CRYZL1: variants seen among roughly 807,000 people sequenced by gnomAD.
CRYZL1 encodes the protein crystallin zeta like 1.
In CRYZL1, 34 loss-of-function variants were observed where a neutral mutation model predicts 50.6. That is an observed-to-expected ratio of 0.67 (90% confidence interval 0.51 to 0.89). The LOEUF (loss-of-function observed/expected upper bound fraction) is 0.89. Ranked by LOEUF, CRYZL1 falls within the 40% of genes least tolerant of loss-of-function variation. CRYZL1 has a pLI of 0.00. For missense variants in CRYZL1, 354 were observed against 402.3 expected, an observed-to-expected ratio of 0.88 and a Z score of 1.03; for synonymous variants, 125 against 134.3, an observed-to-expected ratio of 0.93 and a Z score of 0.48.
At chr21:33,617,069 GTT>G in intron 4 of CRYZL1, 1 of 174,612 alleles carries the variant, frequency 5.7e-6, no homozygotes, top group South Asian at 1.4e-4. Flanking sequence ...CCAGGCTGGA[GTT>G]TGTGGCACGA....
chr21:33,641,250 G>A, intron 1 of CRYZL1: 1 of 1,550,546 alleles, frequency 6.4e-7, no homozygotes, highest in Non-Finnish European at 8.7e-7. Context: ...CACATACAGC[G>A]AATAACTACT....
intron 4 of CRYZL1, among the ~76,000 whole-genome samples, chr21:33,619,895 TAC>T (rs2086974613): frequency 6.6e-6 from 1 of 152,218 alleles, no homozygotes; most frequent in East Asian, 1.9e-4. Flanking sequence ...TTGGACATCT[TAC>T]TCCAAGACGC....
chr21:33,639,405 TGTACTACTGGGGA>T (rs910518705), intron 1 of CRYZL1, among the ~76,000 whole-genome samples: 1 of 152,232 alleles, frequency 6.6e-6, no homozygotes, highest in Non-Finnish European at 1.5e-5. Flanking sequence ...TTTCCTATAT[TGTACTACTGGGGA>T]ACAAGGGAGC....
At chr21:33,596,949 G>A (rs980423434) in intron 10 of CRYZL1, among the ~76,000 whole-genome samples, 12 of 150,498 alleles carry the variant, frequency 8.0e-5, no homozygotes, top group South Asian at 2.1e-4. Context: ...TACAACCTCC[G>A]CTTCCCAGGT....
In CRYZL1 at chr21:33,602,511, G is replaced by C. The variant is rs532403217; in HGVS notation, c.466-166C>G. Among the ~76,000 whole-genome samples, 41 of 152,220 alleles carry C rather than the reference G, an allele frequency of 2.7e-4. 1 individual carries two copies. The South Asian group carries it at 8.3e-3, about 31-fold the overall frequency. ...GCAAAGTTATGGGCAAGTTTAATAG[G>C]GGAAATATTTGATTGACTTTCTTCT... On this transcript the variant is annotated intron_variant, in intron 7 of 12. Transcript: ENST00000381554.
chr21:33,598,322 T>C (rs563601470), intron 9 of CRYZL1, among the ~76,000 whole-genome samples: 77 of 152,390 alleles, frequency 5.1e-4, no homozygotes, highest in South Asian at 3.5e-3. Flanking sequence ...TAGAAAATAC[T>C]GGTTTAAAAA....
chr21:33,613,581 G>T lies in CRYZL1; in HGVS notation c.288C>A (p.Asp96Glu), dbSNP rs750095337. ...VVGILPLDSEDPGLCEVVRVH... is the reference protein window; with the variant it reads ...VVGILPLDSEEPGLCEVVRVH... ...CTCTAACAACTTCACAAAGTCCAGGGTCTTCAGAGTCCAGGGGCAAAATTC... is the reference window on the plus strand; with the variant it reads ...CTCTAACAACTTCACAAAGTCCAGGTTCTTCAGAGTCCAGGGGCAAAATTC... The change falls in exon 6 of 13, where the codon GAC becomes GAA. Residue 96 changes from aspartate (D) to glutamate (E), a missense_variant. Coordinates refer to ENST00000381554, the MANE Select transcript of CRYZL1 (RefSeq NM_145858.3). 6.8e-6 allele frequency: 11 copies of T among 1,613,300 alleles called. No individual in the cohort carries two copies. The highest frequency in any genetic ancestry group is 8.5e-6 in the Non-Finnish European group (10 of 1,179,326).
chr21:33,613,451 T>C (rs947350867), intron 6 of CRYZL1, 87 bp downstream of exon 6: 2 of 912,824 alleles, frequency 2.2e-6, no homozygotes, highest in Admixed American at 2.1e-5. Flanking sequence ...ACACTTATGG[T>C]AGATTCAAAA....
At chr21:33,614,935 A>G (rs1344654756) in intron 5 of CRYZL1, among the ~76,000 whole-genome samples, 1 of 152,098 alleles carries the variant, frequency 6.6e-6, no homozygotes, top group African/African-American at 2.4e-5. Flanking sequence ...TTGGTTTCTC[A>G]CAAAAAGAAT....
rs1491462371 is a variant in CRYZL1 at position 33,637,788 on chromosome 21, T to TATATAC, written c.-7+3892_-7+3893insGTATAT. ...ATATATATATATATATATATATATA[T>TATATAC]ACACACACACACACATATAAACAGC... is the stretch of plus-strand genomic sequence containing the variant. On this transcript the variant is annotated intron_variant, in intron 1 of 12. Transcript: ENST00000381554. Among the ~76,000 whole-genome samples the TATATAC allele has an allele frequency of 4.6e-3, 538 of 117,118 alleles. 3 individuals carry two copies. Among genetic ancestry groups the TATATAC allele is most frequent in the African/African-American group, 7.7e-3 (249 of 32,234 alleles). 76.8% of individuals were successfully genotyped at this position (117,118 alleles called of 152,430 possible).
At chr21:33,630,159 T>A (rs141622413) in intron 2 of CRYZL1, among the ~76,000 whole-genome samples, 2 of 152,282 alleles carry the variant, frequency 1.3e-5, no homozygotes, top group African/African-American at 4.8e-5. Context: ...AGAATGGCTA[T>A]TATCAAAAAG....
intron 6 of CRYZL1, among the ~76,000 whole-genome samples, chr21:33,612,174 T>C (rs1306789242): frequency 6.6e-6 from 1 of 152,200 alleles, no homozygotes; most frequent in Non-Finnish European, 1.5e-5. Flanking sequence ...CTGGTATATA[T>C]ACATCATTAA....
intron 10 of CRYZL1, among the ~76,000 whole-genome samples, chr21:33,596,591 T>C (rs942252577): frequency 6.6e-6 from 1 of 152,054 alleles, no homozygotes; most frequent in African/African-American, 2.4e-5. Flanking sequence ...TGAGCCGAGA[T>C]CATGCCATTG....
At chr21:33,603,255 T>A (rs1410505182) in intron 7 of CRYZL1, 149 bp downstream of exon 7, 1 of 845,792 alleles carries the variant, frequency 1.2e-6, no homozygotes, top group Non-Finnish European at 1.8e-6. Flanking sequence ...TGATAAAAGC[T>A]GCTTATTATA....
At chr21:33,598,190 TAA>T (rs2086715164) in intron 9 of CRYZL1, among the ~76,000 whole-genome samples, 1 of 152,128 alleles carries the variant, frequency 6.6e-6, no homozygotes, top group Admixed American at 6.5e-5. Flanking sequence ...GATTCCCAAT[TAA>T]AAAACTCATA....
At chr21:33,620,288 T>A (rs1329090974) in intron 4 of CRYZL1, among the ~76,000 whole-genome samples, 2 of 152,132 alleles carry the variant, frequency 1.3e-5, no homozygotes, top group Non-Finnish European at 2.9e-5. Context: ...CACCTGTTAG[T>A]GAATATTAAG....
At position 33,595,327 on chromosome 21, in the gene CRYZL1, T is replaced by C. The variant is rs141127637; in HGVS notation, c.904+404A>G. ...AGTATTCTGAAATGTTTCTGTGCAA[T>C]GGCACCATCATAGGAGTAAGTGTGC... On this transcript the variant is annotated intron_variant, in intron 11 of 12. Coordinates refer to ENST00000381554, the MANE Select transcript of CRYZL1 (RefSeq NM_145858.3). 12 of 1,161,760 alleles carry C rather than the reference T, an allele frequency of 1.0e-5. No individual in the cohort carries two copies. The Admixed American group carries it at 3.5e-4, about 34-fold the overall frequency. The allele number at this position is 1,161,760 out of a possible 1,614,324, so 72.0% of individuals were successfully genotyped here. A position where few individuals can be genotyped will look rare whatever the true frequency, so the allele number is the denominator to read the frequency against.
rs560377187 is a variant in CRYZL1, at chr21:33,606,839, A to G, written c.332-3302T>C. On this transcript the variant is annotated intron_variant, in intron 6 of 12. Transcript: ENST00000381554. Reference sequence around the variant, plus strand: ...AGCCTGACCAACATGGAGAAACCCCATCTCTACTAAAAATACAAAAAATTA... The same window carrying G: ...AGCCTGACCAACATGGAGAAACCCCGTCTCTACTAAAAATACAAAAAATTA... Among the ~76,000 whole-genome samples the G allele has an allele frequency of 9.2e-5, 14 of 151,846 alleles. No homozygotes were observed. The East Asian group carries it at 2.5e-3, about 28-fold the overall frequency.
chr21:33,624,867 C>T, intron 2 of CRYZL1, 107 bp from the exon 3 acceptor site: 1 of 1,381,446 alleles, frequency 7.2e-7, no homozygotes. Flanking sequence ...ATTAGACAGA[C>T]CCTAAATCTC....
Sources: allele counts gnomAD v4.1 joint callset (sites outside exome capture counted in the v4.1 genomes callset), GRCh38; gene constraint gnomAD v4.1.1; transcripts MANE v1.5; gene names NCBI Gene and HGNC (gene_info 2026-07-23, HGNC 2026-07-21).